Variants in IQSEC2 observed in about 807,000 individuals in gnomAD.
IQSEC2 encodes IQ motif and SEC7 domain-containing protein 2.
A neutral mutation model predicts 74.6 loss-of-function variants in IQSEC2; 6 were observed. The observed-to-expected ratio is 0.08, with a 90% CI of 0.04 to 0.16. IQSEC2 has a LOEUF of 0.16. Among genes scored for constraint, IQSEC2 ranks in the 10% least tolerant of loss-of-function variants. The pLI, the probability that IQSEC2 is intolerant of heterozygous loss-of-function variation, is 1.00. For missense variants in IQSEC2, 734 were observed against 1,306.2 expected (o/e 0.56, Z 6.75); for synonymous variants, 494 against 544.5 (o/e 0.91, Z 1.29).
chrX:53,252,844 C>G (rs1345295968), intron 4 of IQSEC2, among the ~76,000 whole-genome samples: 1 of 112,067 alleles, frequency 8.9e-6, no homozygotes, highest in Non-Finnish European at 1.9e-5. Flanking sequence ...GATATACTTC[C>G]CCATCAGACT....
rs200622856 is a variant in IQSEC2 at position 53,281,463 on chromosome X, G to C, written c.737+10432C>G. ...CTGGGTCCAGGCCTGGGCAGGAAGG[G>C]AGGGGGCCAGGCTGCGGGGCCCAGG... On this transcript the variant is annotated intron_variant, in intron 2 of 14. Transcript: ENST00000642864. 4.6e-6 allele frequency: 4 copies of C among 873,115 alleles called. No individual in the cohort carries two copies. The East Asian group carries it at 1.0e-4, about 23-fold the overall frequency. 72.0% of individuals were successfully genotyped at this position (873,115 alleles called of 1,213,427 possible). A position where few individuals can be genotyped will look rare whatever the true frequency, so the allele number is the denominator to read the frequency against.
At chrX:53,281,511 G>A (rs1556870870) in intron 2 of IQSEC2, 1 of 1,150,612 alleles carries the variant, frequency 8.7e-7, no homozygotes, top group South Asian at 1.9e-5. Flanking sequence ...GCTCCTCCCG[G>A]GGGGCTCCAT....
At chrX:53,279,537 T>C in intron 2 of IQSEC2, 1 of 952,997 alleles carries the variant, frequency 1.0e-6, no homozygotes, top group Non-Finnish European at 1.5e-6. Context: ...GAGGAGGAAT[T>C]GGGGGAGGGA....
chrX:53,267,425 A>T (rs1233181789), intron 2 of IQSEC2, among the ~76,000 whole-genome samples: 1 of 112,289 alleles, frequency 8.9e-6, no homozygotes, highest in African/African-American at 3.2e-5. Flanking sequence ...ACAGCTCTGC[A>T]GAGGAGCATT....
chrX:53,235,133 G>T lies in IQSEC2; in HGVS notation c.3553C>A (p.Pro1185Thr). Residue 1185 changes from proline (P) to threonine (T), a missense_variant, in exon 15 of 15, where the codon CCA becomes ACA. Physicochemically the swap from Pro to Thr is conservative, Grantham distance 38. Around this residue, in one of 12 missense-constraint regions of IQSEC2, gnomAD observed 249 missense variants for 467.9 expected, o/e 0.53. Transcript: ENST00000642864. ...TTGTACTCCTCTGGCGGCGGGGGTG[G>T]GGGCGGAGGTGGCATCCTCTGGTGA... is the stretch of plus-strand genomic sequence containing the variant. The part of the protein sequence containing the change: ...RPHQRMPPPP[P>T]PPPPEEYKSQ... The T allele has an allele frequency of 8.8e-7, 1 of 1,131,094 alleles. No homozygotes were observed. Among genetic ancestry groups the T allele is most frequent in the Non-Finnish European group, 1.2e-6 (1 of 847,261 alleles). The allele number at this position is 1,131,094 out of a possible 1,213,427, so 93.2% of individuals were successfully genotyped here.
intron 2 of IQSEC2, chrX:53,266,176 T>C (rs1389267012): frequency 2.4e-5 from 3 of 127,436 alleles, no homozygotes; most frequent in Non-Finnish European, 4.4e-5. Flanking sequence ...CATGCATTTA[T>C]TGAGTGCCTC....
intron 2 of IQSEC2, among the ~76,000 whole-genome samples, chrX:53,270,374 C>T (rs1344909896): frequency 1.8e-5 from 2 of 111,245 alleles, no homozygotes; most frequent in African/African-American, 3.3e-5. Context: ...TCACACTGGT[C>T]TCCCTGCTGC....
chrX:53,318,365 G>A (rs1468884560), intron 1 of IQSEC2, among the ~76,000 whole-genome samples: 1 of 112,188 alleles, frequency 8.9e-6, no homozygotes, highest in Non-Finnish European at 1.9e-5. Flanking sequence ...AGCAACCTGG[G>A]GGGGTTCACA....
chrX:53,235,234 C>G (rs898077113), intron 14 of IQSEC2, 50 bp from the exon 15 acceptor site: 8 of 1,158,356 alleles, frequency 6.9e-6, no homozygotes, highest in Non-Finnish European at 9.2e-6. Context: ...CCCTAAACCC[C>G]CAGCCCTAAA....
intron 2 of IQSEC2, among the ~76,000 whole-genome samples, chrX:53,286,502 G>A (rs1259629816): frequency 1.8e-5 from 2 of 111,630 alleles, no homozygotes; most frequent in African/African-American, 6.5e-5. Context: ...GCTGCCTTGT[G>A]TTACCACAGG....
At chrX:53,252,507 C>A (rs1255565818) in intron 4 of IQSEC2, among the ~76,000 whole-genome samples, 1 of 111,806 alleles carries the variant, frequency 8.9e-6, no homozygotes, top group South Asian at 3.7e-4. Flanking sequence ...TCAGACCCCC[C>A]AACCTGGGGA....
At chrX:53,301,427 C>G (rs1556875459) in intron 1 of IQSEC2, among the ~76,000 whole-genome samples, 1 of 112,298 alleles carries the variant, frequency 8.9e-6, no homozygotes, top group Non-Finnish European at 1.9e-5. Flanking sequence ...GGGCCACTCT[C>G]CATCAGGCAA....
At chrX:53,297,042 C>A (rs1466128806) in intron 1 of IQSEC2, among the ~76,000 whole-genome samples, 1 of 109,528 alleles carries the variant, frequency 9.1e-6, no homozygotes, top group Non-Finnish European at 1.9e-5. Context: ...GCTCTGTCAC[C>A]CAGGATGGAG....
intron 1 of IQSEC2, among the ~76,000 whole-genome samples, chrX:53,301,101 T>C (rs926879266): frequency 8.9e-6 from 1 of 112,375 alleles, no homozygotes; most frequent in African/African-American, 3.2e-5. Flanking sequence ...GCATTGAAAG[T>C]ATAATTTTTT....
Position 53,267,193 on chromosome X carries a change from G to C in IQSEC2, c.738-11132C>G, listed in dbSNP as rs997726902. ...GGAACCAGAAGGTGGGACGAGAATG[G>C]GGGTCAGGGTGGGGAGGCCAGTGTG... On this transcript the variant is annotated intron_variant, in intron 2 of 14. Coordinates refer to ENST00000642864, the MANE Select transcript of IQSEC2 (RefSeq NM_001111125.3). The C allele has an allele frequency of 4.2e-5, 42 of 1,001,803 alleles. No individual in the cohort carries two copies. In the African/African-American group the frequency reaches 7.8e-4, roughly 19 times the overall value. 82.6% of individuals were successfully genotyped at this position (1,001,803 alleles called of 1,213,427 possible).
chrX:53,317,916 CCTT>C (rs2075394083), intron 1 of IQSEC2, among the ~76,000 whole-genome samples: 1 of 111,919 alleles, frequency 8.9e-6, no homozygotes, highest in African/African-American at 3.3e-5. Context: ...GGAGACAGAG[CCTT>C]CTTCCCTGCC....
At chrX:53,280,853 G>A (rs370391350) in intron 2 of IQSEC2, among the ~76,000 whole-genome samples, 3 of 111,873 alleles carry the variant, frequency 2.7e-5, no homozygotes, top group African/African-American at 9.7e-5. Context: ...TGGGAGTGGA[G>A]CCGACCCCTT....
chrX:53,302,782 T>C (rs1176864027), intron 1 of IQSEC2, among the ~76,000 whole-genome samples: 2 of 110,267 alleles, frequency 1.8e-5, no homozygotes, highest in African/African-American at 3.3e-5. Context: ...TACAATGAAA[T>C]AAAAATTAGC....
intron 2 of IQSEC2, among the ~76,000 whole-genome samples, chrX:53,287,311 G>A: frequency 8.9e-6 from 1 of 112,378 alleles, no homozygotes; most frequent in Non-Finnish European, 1.9e-5. Flanking sequence ...AGAACACTTA[G>A]GTAGAGAGGG....
Sources: allele counts gnomAD v4.1 joint callset (sites outside exome capture counted in the v4.1 genomes callset), GRCh38; gene constraint gnomAD v4.1.1; regional missense constraint gnomAD v4.1.1; transcripts MANE v1.5; gene names NCBI Gene and HGNC (gene_info 2026-07-23, HGNC 2026-07-21).